Variants in FRYL observed in about 807,000 individuals in gnomAD.
FRYL encodes FRY like transcription coactivator.
FRYL carries 150 observed loss-of-function variants against 351.2 expected under a neutral mutation model. That is an observed-to-expected ratio of 0.43 (90% CI 0.37 to 0.49). The LOEUF (loss-of-function observed/expected upper bound fraction) is 0.49. FRYL is among the 20% of genes least tolerant of loss of function. FRYL has a pLI of 0.00. For synonymous variants in FRYL, 1,153 were observed against 1,257.1 expected (o/e 0.92, Z 1.75); for missense variants, 3,036 against 3,619.3 (o/e 0.84, Z 4.13).
At chr4:48,575,625 AC>A (rs1739437929) in intron 24 of FRYL, among the ~76,000 whole-genome samples, 1 of 152,220 alleles carries the variant, frequency 6.6e-6, no homozygotes, top group Non-Finnish European at 1.5e-5. Context: ...TGAAAACTAA[AC>A]CACTGTTCTT....
At chr4:48,663,571 A>C (rs1761190134) in intron 3 of FRYL, among the ~76,000 whole-genome samples, 1 of 151,258 alleles carries the variant, frequency 6.6e-6, no homozygotes, top group South Asian at 2.1e-4. Flanking sequence ...AATAAAAGAG[A>C]TCCCCCTTCC....
At chr4:48,513,899 C>T (rs757010602) in intron 56 of FRYL, among the ~76,000 whole-genome samples, 19 of 152,114 alleles carry the variant, frequency 1.2e-4, no homozygotes, top group Non-Finnish European at 2.4e-4. Flanking sequence ...TTTAGAAAGC[C>T]AAATAGCTGA....
At chr4:48,676,536 C>A (rs1306427950) in intron 3 of FRYL, among the ~76,000 whole-genome samples, 1 of 151,796 alleles carries the variant, frequency 6.6e-6, no homozygotes, top group African/African-American at 2.4e-5. Context: ...CTCCCGCCAC[C>A]AGGCCCGGCT....
At chr4:48,501,085 CAAAAAA>C (rs35171463) in intron 62 of FRYL, among the ~76,000 whole-genome samples, 7 of 75,322 alleles carry the variant, frequency 9.3e-5, no homozygotes, top group Admixed American at 1.7e-4. Flanking sequence ...GACTCTGCCT[CAAAAAA>C]AAAAAAAAAA....
chr4:48,645,648 C>T (rs1242064590), intron 3 of FRYL, among the ~76,000 whole-genome samples: 1 of 152,102 alleles, frequency 6.6e-6, no homozygotes, highest in East Asian at 1.9e-4. Context: ...TGGAATGGGG[C>T]CCAGGTATGT....
intron 4 of FRYL, among the ~76,000 whole-genome samples, chr4:48,631,716 T>C (rs1245620153): frequency 6.6e-6 from 1 of 151,936 alleles, no homozygotes. Context: ...TACATATTCA[T>C]TTAGCTTAGG....
At chr4:48,510,455 C>T (rs1326626722) in intron 58 of FRYL, among the ~76,000 whole-genome samples, 3 of 152,080 alleles carry the variant, frequency 2.0e-5, no homozygotes, top group African/African-American at 7.2e-5. Context: ...CTTTAAATAT[C>T]TTAATATATA....
Position 48,523,019 on chromosome 4 carries a change from T to G in FRYL, c.7403A>C (p.Glu2468Ala). ...IDKGDTPSLQEYQCSSSTPSL... is the reference protein window; with the variant it reads ...IDKGDTPSLQAYQCSSSTPSL... The stretch of plus-strand genomic sequence containing the variant: ...GGGGGTGCTACTAGAGCACTGGTAC[T>G]CCTGGAGGGATGGAGTGTCCCCTTT... Residue 2468 changes from glutamate (E) to alanine (A), a missense_variant, in exon 54 of 64, where the codon GAG becomes GCG. This residue lies in a region of FRYL where 1,987 missense variants were observed against 2,311.7 expected (regional missense o/e 0.86). Transcript: ENST00000358350. 1 of 1,613,892 alleles carries G rather than the reference T, an allele frequency of 6.2e-7. No homozygotes were observed. Among genetic ancestry groups the G allele is most frequent in the South Asian group, 1.1e-5 (1 of 91,082 alleles).
chr4:48,701,048 C>T (rs1269480643), intron 2 of FRYL, among the ~76,000 whole-genome samples: 1 of 152,036 alleles, frequency 6.6e-6, no homozygotes, highest in African/African-American at 2.4e-5. Context: ...AATAATACAA[C>T]CAAAATAGTT....
intron 3 of FRYL, among the ~76,000 whole-genome samples, chr4:48,660,731 T>C (rs1035689259): frequency 1.4e-4 from 22 of 152,192 alleles, no homozygotes; most frequent in African/African-American, 4.8e-4. Context: ...ATTTTAATAC[T>C]ACAGACTCTT....
At chr4:48,547,528 A>T in intron 41 of FRYL, 56 bp downstream of exon 41, 1 of 1,011,388 alleles carries the variant, frequency 9.9e-7, no homozygotes, top group Non-Finnish European at 1.4e-6. Flanking sequence ...CTAATGCAGG[A>T]TTCCAAATTA....
chr4:48,511,520 A>G (rs1722470694), intron 57 of FRYL, among the ~76,000 whole-genome samples: 2 of 152,232 alleles, frequency 1.3e-5, no homozygotes, highest in Non-Finnish European at 2.9e-5. Context: ...TTATATTATC[A>G]GTAGTATAAT....
intron 3 of FRYL, among the ~76,000 whole-genome samples, chr4:48,658,584 C>CA (rs11388062): frequency 0.7 from 67,371 of 95,974 alleles, 22,166 homozygotes; most frequent in South Asian, 0.8. Context: ...CAAAAAAATA[C>CA]AAAAAAAAAA....
At chr4:48,768,557 C>G (rs1775193318) in intron 1 of FRYL, among the ~76,000 whole-genome samples, 1 of 152,176 alleles carries the variant, frequency 6.6e-6, no homozygotes, top group African/African-American at 2.4e-5. Context: ...GTAATCCCAG[C>G]ACTCTGGAAG....
At chr4:48,750,598 A>T (rs1461530683) in intron 1 of FRYL, among the ~76,000 whole-genome samples, 2 of 152,208 alleles carry the variant, frequency 1.3e-5, no homozygotes, top group African/African-American at 4.8e-5. Flanking sequence ...AAAAGTGGTA[A>T]GACTGTAAAT....
intron 27 of FRYL, among the ~76,000 whole-genome samples, chr4:48,569,959 T>C (rs750823777): frequency 1.1e-4 from 16 of 152,130 alleles, no homozygotes; most frequent in Non-Finnish European, 1.8e-4. Flanking sequence ...ACTACTGGTG[T>C]CTGCCACTAT....
In FRYL at chr4:48,499,472, G is replaced by A. The variant is rs1719059171; in HGVS notation, c.8992C>T (p.Leu2998Phe). The A allele has an allele frequency of 2.5e-6, 4 of 1,613,876 alleles. No individual in the cohort carries two copies. Among genetic ancestry groups the A allele is most frequent in the Non-Finnish European group, 3.4e-6 (4 of 1,179,744 alleles). ...ESLRMVQSYQ[L>F]LAQAKPMGNM... ...CCCATTGGTTTGGCCTGTGCTAGAA[G>A]TTGGTATGATTGCACCATGCGTAGA... Residue 2998 changes from leucine to phenylalanine, a missense_variant, in exon 64 of 64, where the codon CTT (leucine) becomes TTT (phenylalanine). This residue lies in a region of FRYL where 1,987 missense variants were observed against 2,311.7 expected (regional missense o/e 0.86). Transcript: ENST00000358350.
At chr4:48,550,799 C>A (rs1030673360) in intron 37 of FRYL, 95 bp from the exon 38 acceptor site, 2 of 936,378 alleles carry the variant, frequency 2.1e-6, no homozygotes, top group African/African-American at 3.2e-5. Flanking sequence ...GGAGGACGGA[C>A]GCCATGGTTC....
At chr4:48,512,403 G>A (rs1722670277) in intron 57 of FRYL, 78 bp downstream of exon 57, 15 of 1,156,296 alleles carry the variant, frequency 1.3e-5, no homozygotes, top group Non-Finnish European at 1.6e-5. Flanking sequence ...TAAAATCGGA[G>A]ATGCTGATTT....
Sources: gnomAD v4.1 joint callset for allele counts (sites outside exome capture counted in the v4.1 genomes callset) on GRCh38, gnomAD v4.1.1 for gene constraint, gnomAD v4.1.1 regional missense constraint, MANE v1.5 for transcripts, NCBI Gene and HGNC (gene_info 2026-07-23, HGNC 2026-07-21) for gene names.